Variants in LRRC49 observed in about 807,000 individuals in gnomAD.
LRRC49 encodes the protein leucine rich repeat containing 49.
In LRRC49, 50 loss-of-function variants were observed where a neutral mutation model predicts 83.3. The ratio of observed to expected loss-of-function variants is 0.60; its 90% CI spans 0.48 to 0.76. The LOEUF (loss-of-function observed/expected upper bound fraction) is 0.76. Among genes scored for constraint, LRRC49 ranks in the 30% least tolerant of loss-of-function variants. LRRC49 has a pLI of 0.00. For missense variants in LRRC49, 704 were observed against 809.1 expected (o/e 0.87, Z 1.58); for synonymous variants, 286 against 283.3 (o/e 1.01, Z -0.10).
intron 1 of LRRC49, among the ~76,000 whole-genome samples, chr15:70,872,408 G>C (rs1036574867): frequency 1.3e-5 from 2 of 151,884 alleles, no homozygotes; most frequent in East Asian, 1.9e-4. Context: ...GGAGACGTAG[G>C]GGAGAGGGAG....
chr15:71,029,021 C>G (rs2039264057), intron 14 of LRRC49, among the ~76,000 whole-genome samples: 1 of 152,068 alleles, frequency 6.6e-6, no homozygotes, highest in South Asian at 2.1e-4. Context: ...TTCTCTAGTT[C>G]TTTTAATTGT....
At chr15:70,890,178 G>C (rs1199631101), upstream of LRRC49, among the ~76,000 whole-genome samples, 1 of 152,142 alleles carries the variant, frequency 6.6e-6, no homozygotes, top group Non-Finnish European at 1.5e-5. Context: ...ATTAGGTTGT[G>C]TAATTATGAA....
At chr15:70,945,875 C>T (rs772596398) in intron 8 of LRRC49, among the ~76,000 whole-genome samples, 8 of 151,876 alleles carry the variant, frequency 5.3e-5, no homozygotes, top group Non-Finnish European at 8.8e-5. Flanking sequence ...AATTATACAC[C>T]CCAAAATATC....
chr15:70,856,438 T>C (rs2032655397), intron 1 of LRRC49, among the ~76,000 whole-genome samples: 1 of 152,050 alleles, frequency 6.6e-6, no homozygotes, highest in African/African-American at 2.4e-5. Context: ...TGGGTACTCT[T>C]AGGGGTACCC....
intron 10 of LRRC49, among the ~76,000 whole-genome samples, chr15:70,982,306 C>A (rs2037431147): frequency 6.6e-6 from 1 of 152,102 alleles, no homozygotes; most frequent in African/African-American, 2.4e-5. Flanking sequence ...TAACTCACTG[C>A]CCTGGCCTCT....
At chr15:70,965,975 G>A (rs1265800669) in intron 9 of LRRC49, among the ~76,000 whole-genome samples, 1 of 152,006 alleles carries the variant, frequency 6.6e-6, no homozygotes, top group East Asian at 1.9e-4. Context: ...AAATAAAGTT[G>A]TATTGGAACA....
intron 8 of LRRC49, among the ~76,000 whole-genome samples, chr15:70,946,218 T>C (rs1411828258): frequency 2.6e-5 from 4 of 152,194 alleles, no homozygotes. Flanking sequence ...TGAAATTTTG[T>C]ATCCTTTGAC....
At chr15:70,982,749 T>G (rs2037449322) in intron 10 of LRRC49, among the ~76,000 whole-genome samples, 1 of 152,120 alleles carries the variant, frequency 6.6e-6, no homozygotes, top group Admixed American at 6.6e-5. Context: ...CCCAAGTAGT[T>G]GAGATTTCAA....
chr15:71,004,519 A>T (rs570258260), intron 11 of LRRC49, among the ~76,000 whole-genome samples: 11 of 152,130 alleles, frequency 7.2e-5, no homozygotes, highest in African/African-American at 2.2e-4. Flanking sequence ...GCAAGGTGGC[A>T]TGTGCCTGTA....
At position 71,051,469 on chromosome 15, in the gene LRRC49, A is replaced by G. The variant is rs925191989; in HGVS notation, c.*1857A>G. The G allele has an allele frequency of 6.6e-6, 1 of 152,100 alleles. No homozygotes were observed. The highest frequency in any genetic ancestry group is 2.4e-5 in the African/African-American group (1 of 41,400). The allele number at this position is 152,100 out of a possible 1,614,324, so 9.4% of individuals were successfully genotyped here. On this transcript the variant is annotated 3_prime_UTR_variant, in exon 16 of 16. Transcript: ENST00000260382. ...AAACACTTATCTCTCCTGGGCTTAT[A>G]TCTTGTTTGGTATAGAAATGAGATC...
chr15:70,939,560 AC>A (rs2035727079), intron 8 of LRRC49, among the ~76,000 whole-genome samples: 1 of 152,110 alleles, frequency 6.6e-6, no homozygotes, highest in Non-Finnish European at 1.5e-5. Flanking sequence ...AGAAACTAAA[AC>A]TTTTATTTAT....
chr15:70,892,665 G>C (rs2033631486), upstream of LRRC49: 9 of 1,448,138 alleles, frequency 6.2e-6, no homozygotes, highest in South Asian at 1.4e-5. Flanking sequence ...ATGAGGCTGG[G>C]AAAATAGAAC....
At chr15:70,856,798 A>G (rs554274633) in intron 1 of LRRC49, among the ~76,000 whole-genome samples, 79 of 152,276 alleles carry the variant, frequency 5.2e-4, no homozygotes, top group African/African-American at 1.9e-3. Flanking sequence ...TCTAGCAGGG[A>G]GCCTTCATCT....
chr15:70,921,818 T>G (rs960547867), intron 7 of LRRC49, among the ~76,000 whole-genome samples: 2 of 152,198 alleles, frequency 1.3e-5, no homozygotes, highest in Non-Finnish European at 2.9e-5. Flanking sequence ...CATTGAATCT[T>G]GGAAAGAAGG....
intron 14 of LRRC49, among the ~76,000 whole-genome samples, chr15:71,019,303 C>G (rs950657805): frequency 2.8e-4 from 42 of 152,294 alleles, no homozygotes; most frequent in South Asian, 8.3e-4. Context: ...TCACACACCC[C>G]AGTTACCAGC....
intron 2 of LRRC49, among the ~76,000 whole-genome samples, chr15:70,875,807 G>T (rs539410271): frequency 6.6e-6 from 1 of 152,208 alleles, no homozygotes; most frequent in Admixed American, 6.5e-5. Context: ...TGGAACTTCG[G>T]TATTCAGCCA....
At position 70,963,880 on chromosome 15, in the gene LRRC49, C is replaced by T. The variant is rs1567072935; in HGVS notation, c.869C>T (p.Thr290Ile). The part of the protein sequence containing the change: ...PIAQESWYKH[T>I]VLQNMMQLRQ... Reference sequence around the variant, plus strand: ...GCTCAAGAGTCATGGTACAAACACACTGTCCTTCAGAATATGATGCAGCTG... The same window carrying T: ...GCTCAAGAGTCATGGTACAAACACATTGTCCTTCAGAATATGATGCAGCTG... The change falls in exon 9 of 16, where the codon ACT (threonine) becomes ATT (isoleucine). Residue 290 changes from threonine to isoleucine, a missense_variant. By Grantham distance (89) the Thr-to-Ile change is moderately conservative (BLOSUM62 -1). Transcript: ENST00000260382. 6.2e-7 allele frequency: 1 copy of T among 1,613,608 alleles called. No individual in the cohort carries two copies. Among genetic ancestry groups the T allele is most frequent in the Non-Finnish European group, 8.5e-7 (1 of 1,179,642 alleles).
intron 8 of LRRC49, among the ~76,000 whole-genome samples, chr15:70,952,463 T>C (rs2036254168): frequency 6.6e-6 from 1 of 152,184 alleles, no homozygotes; most frequent in Non-Finnish European, 1.5e-5. Context: ...TGTTCAATAT[T>C]GATTGCTATT....
At chr15:70,977,784 CTTCT>C (rs2037259689) in intron 9 of LRRC49, among the ~76,000 whole-genome samples, 1 of 151,932 alleles carries the variant, frequency 6.6e-6, no homozygotes, top group East Asian at 1.9e-4. Context: ...GTTCTAAACT[CTTCT>C]TTATCTATCT....
Sources: allele counts gnomAD v4.1 joint callset (sites outside exome capture counted in the v4.1 genomes callset), GRCh38; gene constraint gnomAD v4.1.1; transcripts MANE v1.5; gene names NCBI Gene and HGNC (gene_info 2026-07-23, HGNC 2026-07-21).